Variants in DPP10 observed in about 807,000 individuals in gnomAD.
The protein encoded by DPP10 is inactive dipeptidyl peptidase 10.
In DPP10, 33 loss-of-function variants were observed where a neutral mutation model predicts 120.9. The observed-to-expected ratio is 0.27, with a 90% CI of 0.21 to 0.37. The LOEUF (loss-of-function observed/expected upper bound fraction) is 0.37, where lower values mean the gene tolerates loss of function less well. DPP10 is among the 10% of genes least tolerant of loss of function. The probability of loss-of-function intolerance (pLI) is 1.00; values close to 1 mark genes in which losing one functional copy is unlikely to be tolerated. For synonymous variants in DPP10, 337 were observed against 326.1 expected, an observed-to-expected ratio of 1.03 and a Z score of -0.36; for missense variants, 816 against 942.8, an observed-to-expected ratio of 0.87 and a Z score of 1.76.
intron 1 of DPP10, among the ~76,000 whole-genome samples, chr2:114,881,801 C>G (rs1289916246): frequency 2.0e-5 from 3 of 152,042 alleles, no homozygotes; most frequent in Non-Finnish European, 2.9e-5. Flanking sequence ...TTTCTAATGT[C>G]ACAGTTGGTA....
intron 5 of DPP10, among the ~76,000 whole-genome samples, chr2:115,637,092 T>C (rs2086398492): frequency 6.6e-6 from 1 of 151,716 alleles, no homozygotes; most frequent in Admixed American, 6.6e-5. Flanking sequence ...CAAAAACAAA[T>C]ACTCAGTAAA....
intron 1 of DPP10, among the ~76,000 whole-genome samples, chr2:114,884,053 G>T (rs1297715441): frequency 1.3e-5 from 2 of 151,442 alleles, no homozygotes; most frequent in Admixed American, 1.3e-4. Flanking sequence ...TTTTCTAATT[G>T]CCTTGTAAAA....
intron 3 of DPP10, among the ~76,000 whole-genome samples, chr2:115,471,341 C>G (rs1055121578): frequency 2.0e-5 from 3 of 152,120 alleles, no homozygotes; most frequent in African/African-American, 7.2e-5. Flanking sequence ...CTACTTATTG[C>G]CATTTCATTT....
chr2:114,973,932 A>G (rs1699573944), intron 1 of DPP10, among the ~76,000 whole-genome samples: 1 of 152,244 alleles, frequency 6.6e-6, no homozygotes, highest in Admixed American at 6.5e-5. Context: ...AAACTTAAAC[A>G]TAGAAAAAAG....
intron 17 of DPP10, among the ~76,000 whole-genome samples, chr2:115,783,480 A>C (rs890451401): frequency 1.3e-5 from 2 of 152,198 alleles, no homozygotes; most frequent in Non-Finnish European, 2.9e-5. Context: ...GTTGAATGAC[A>C]AATATCATTT....
At chr2:115,377,648 A>G (rs28836529) in intron 3 of DPP10, among the ~76,000 whole-genome samples, 69,817 of 151,350 alleles carry the variant, frequency 0.46, 17,066 homozygotes, top group Non-Finnish European at 0.56. Flanking sequence ...CCTGAATGGT[A>G]ATGCCTAGGT....
intron 1 of DPP10, among the ~76,000 whole-genome samples, chr2:114,748,195 G>A (rs1678769048): frequency 6.6e-6 from 1 of 151,564 alleles, no homozygotes; most frequent in Non-Finnish European, 1.5e-5. Flanking sequence ...TTTCGTTTTT[G>A]TTTTTTTGTT....
chr2:114,538,245 G>A (rs900994602), intron 1 of DPP10, among the ~76,000 whole-genome samples: 1 of 152,206 alleles, frequency 6.6e-6, no homozygotes, highest in Admixed American at 6.5e-5. Context: ...GGATGTGTTT[G>A]CTCTGCTTGA....
intron 1 of DPP10, among the ~76,000 whole-genome samples, chr2:115,152,861 G>A (rs145252422): frequency 6.6e-6 from 1 of 152,276 alleles, no homozygotes; most frequent in Non-Finnish European, 1.5e-5. Flanking sequence ...AACCCGCCAG[G>A]TTTATGGATG....
At chr2:114,795,194 G>A (rs1002780025) in intron 1 of DPP10, among the ~76,000 whole-genome samples, 2 of 152,088 alleles carry the variant, frequency 1.3e-5, no homozygotes, top group African/African-American at 2.4e-5. Flanking sequence ...GAACTGCTAT[G>A]GCATGATGAA....
chr2:115,709,246 G>A (rs1172294384), intron 7 of DPP10, among the ~76,000 whole-genome samples: 1 of 152,014 alleles, frequency 6.6e-6, no homozygotes, highest in African/African-American at 2.4e-5. Context: ...TCCGACTGTC[G>A]TTTAGGCAAG....
intron 1 of DPP10, among the ~76,000 whole-genome samples, chr2:115,269,654 A>C (rs2105801597): frequency 6.6e-6 from 1 of 152,262 alleles, no homozygotes; most frequent in African/African-American, 2.4e-5. Flanking sequence ...CTCCATGGTG[A>C]ACAGTCTAAG....
intron 1 of DPP10, among the ~76,000 whole-genome samples, chr2:115,071,493 T>C (rs997814657): frequency 6.6e-6 from 1 of 152,180 alleles, no homozygotes; most frequent in Admixed American, 6.5e-5. Context: ...GGGGTTTATA[T>C]ATCAGGGAAG....
intron 1 of DPP10, among the ~76,000 whole-genome samples, chr2:115,260,247 G>T (rs2059195064): frequency 6.6e-6 from 1 of 151,882 alleles, no homozygotes; most frequent in African/African-American, 2.4e-5. Context: ...TTATTTTCAA[G>T]CCTTTTGTTA....
At chr2:114,608,199 G>C (rs894655646) in intron 1 of DPP10, among the ~76,000 whole-genome samples, 2 of 152,180 alleles carry the variant, frequency 1.3e-5, no homozygotes, top group African/African-American at 4.8e-5. Flanking sequence ...CTTCTGAGCA[G>C]ACAAATACGC....
chr2:115,074,069 T>A (rs1430305656), intron 1 of DPP10, among the ~76,000 whole-genome samples: 1 of 152,216 alleles, frequency 6.6e-6, no homozygotes, highest in East Asian at 1.9e-4. Context: ...TGGAGTGCAG[T>A]GGTGCAATCA....
At chr2:115,481,572 C>T (rs1457273337) in intron 3 of DPP10, among the ~76,000 whole-genome samples, 1 of 151,940 alleles carries the variant, frequency 6.6e-6, no homozygotes, top group Non-Finnish European at 1.5e-5. Context: ...GAAATGAAGT[C>T]GTTGGACAAG....
chr2:115,431,050 G>A (rs529234173), intron 3 of DPP10, among the ~76,000 whole-genome samples: 1 of 152,304 alleles, frequency 6.6e-6, no homozygotes, highest in East Asian at 1.9e-4. Context: ...CTTCTTAAGA[G>A]AATAAAAATC....
chr2:115,536,228 G>T lies in DPP10; in HGVS notation c.441+10256G>T, dbSNP rs865922440. ...AATTCTTATTTATTGTTATTAGTAT[G>T]TAATATTTTTTCCACTTATAGACAA... On this transcript the variant is annotated intron_variant, in intron 5 of 25. Coordinates refer to ENST00000410059, the MANE Select transcript of DPP10 (RefSeq NM_020868.6). Among the ~76,000 whole-genome samples the T allele has an allele frequency of 1.6e-4, 25 of 152,000 alleles. 1 individual carries two copies. Among genetic ancestry groups the T allele is most frequent in the Middle Eastern group, 3.4e-3 (1 of 292 alleles).
Sources: allele counts gnomAD v4.1 joint callset (sites outside exome capture counted in the v4.1 genomes callset), GRCh38; gene constraint gnomAD v4.1.1; transcripts MANE v1.5; gene names NCBI Gene and HGNC (gene_info 2026-07-23, HGNC 2026-07-21).